The following B4GALT5 variants were observed in gnomAD, a reference collection of about 807,000 sequenced individuals.
The protein encoded by B4GALT5 is beta-1,4-galactosyltransferase 5, also known as UDP-Gal:beta-GlcNAc beta-1,4-galactosyltransferase 5.
Under a neutral mutation model 45.0 loss-of-function variants are expected in B4GALT5, and 11 were observed. The ratio of observed to expected loss-of-function variants is 0.24; its 90% CI spans 0.15 to 0.40. B4GALT5 has a LOEUF of 0.40. B4GALT5 is among the 10% of genes least tolerant of loss of function. The pLI, the probability that B4GALT5 is intolerant of heterozygous loss-of-function variation, is 1.00. For missense variants in B4GALT5, 337 were observed against 500.2 expected, an observed-to-expected ratio of 0.67 and a Z score of 3.11; for synonymous variants, 185 against 182.9, an observed-to-expected ratio of 1.01 and a Z score of -0.09.
chr20:49,712,426 T>C lies in B4GALT5; in HGVS notation c.115+1150A>G, dbSNP rs1312182004. 3.7e-5 allele frequency among the ~76,000 whole-genome samples: 5 copies of C among 133,570 alleles called. No homozygotes were observed. In the Admixed American group the frequency reaches 4.0e-4, roughly 11 times the overall value. The allele number at this position is 133,570 out of a possible 152,430, so 87.6% of individuals were successfully genotyped here. A position where few individuals can be genotyped will look rare whatever the true frequency, so the allele number is the denominator to read the frequency against. On this transcript the variant is annotated intron_variant, in intron 1 of 8. Coordinates refer to ENST00000371711, the MANE Select transcript of B4GALT5 (RefSeq NM_004776.4). ...TCTGATCTCTTCCTGTCCTAACTGG[T>C]GCCCTGTGGTCTTATAAAAGACTAT...
rs1303988840 is a variant in B4GALT5 at position 49,713,662 on chromosome 20, A to C, written c.29T>G (p.Leu10Arg). The C allele has an allele frequency of 6.5e-7, 1 of 1,547,758 alleles. No individual in the cohort carries two copies. The highest frequency in any genetic ancestry group is 1.2e-5 in the South Asian group (1 of 84,828). Residue 10 changes from leucine (L) to arginine (R), a missense_variant, in exon 1 of 9, where the codon CTG becomes CGG. Leu to Arg is a moderately radical substitution (Grantham distance 102). Transcript: ENST00000371711. MRARRGLLR[L>R]PRRSLLAALF... ...CGCGGCGAGCAGCGAGCGGCGCGGC[A>C]GCCGCAGCAGCCCCCGGCGGGCGCG...
At chr20:49,677,757 G>T (rs1568727331) in intron 1 of B4GALT5, among the ~76,000 whole-genome samples, 1 of 152,130 alleles carries the variant, frequency 6.6e-6, no homozygotes, top group Non-Finnish European at 1.5e-5. Flanking sequence ...TTGATTGATT[G>T]ATTTTTGGGA....
intron 1 of B4GALT5, among the ~76,000 whole-genome samples, chr20:49,690,549 C>CAA (rs1254506773): frequency 2.7e-5 from 3 of 111,940 alleles, no homozygotes; most frequent in Non-Finnish European, 5.6e-5. Context: ...AACTCTAACT[C>CAA]AAAAAAAAAA....
intron 8 of B4GALT5, among the ~76,000 whole-genome samples, chr20:49,637,120 G>C (rs892229909): frequency 2.6e-5 from 4 of 152,114 alleles, no homozygotes; most frequent in African/African-American, 9.7e-5. Context: ...CATAGGACAA[G>C]TGATTTCCTT....
intron 1 of B4GALT5, among the ~76,000 whole-genome samples, chr20:49,683,305 T>C (rs1452983679): frequency 6.6e-6 from 1 of 152,100 alleles, no homozygotes; most frequent in African/African-American, 2.4e-5. Context: ...TTTCCTTTTA[T>C]CTTTAAGCTG....
At chr20:49,668,601 TG>T (rs1186366499) in intron 1 of B4GALT5, among the ~76,000 whole-genome samples, 436 of 53,106 alleles carry the variant, frequency 8.2e-3, no homozygotes, top group African/African-American at 0.029. Context: ...TGGGTGGGGG[TG>T]GGGGGGGCGT....
At chr20:49,688,304 G>A (rs2146352990) in intron 1 of B4GALT5, among the ~76,000 whole-genome samples, 1 of 152,266 alleles carries the variant, frequency 6.6e-6, no homozygotes, top group South Asian at 2.1e-4. Context: ...CCAATCCCAT[G>A]TACTAAGAAG....
chr20:49,684,474 AAT>A, intron 1 of B4GALT5: 3 of 481,612 alleles, frequency 6.2e-6, no homozygotes, highest in South Asian at 4.6e-5. Context: ...GAGACAGCAG[AAT>A]GGTGTGAACC....
At position 49,713,741 on chromosome 20, in the gene B4GALT5, T is replaced by A. The variant is rs1277259952; in HGVS notation, c.-51A>T. ...GCCAGGCCGGGCCTGCTCCCGCAGC[T>A]CCCCGTCCGCCGCCTCCTGGGCCGC... On this transcript the variant is annotated 5_prime_UTR_variant, in exon 1 of 9. Transcript: ENST00000371711. 2 of 690,942 alleles carry A rather than the reference T, an allele frequency of 2.9e-6. No homozygotes were observed. The highest frequency in any genetic ancestry group is 3.9e-6 in the Non-Finnish European group (2 of 506,542). 42.8% of individuals were successfully genotyped at this position (690,942 alleles called of 1,614,324 possible).
Position 49,636,388 on chromosome 20 carries a change from T to C in B4GALT5, c.1091A>G (p.Asn364Ser). Residue 364 changes from asparagine to serine, a missense_variant, in exon 9 of 9, where the codon AAC becomes AGC. Physicochemically the swap from Asn to Ser is conservative, Grantham distance 46 (BLOSUM62 1). Transcript: ENST00000371711. ...DGLNNLNYFANITYDALYKNI... is the reference protein window; with the variant it reads ...DGLNNLNYFASITYDALYKNI... ...TTTATACAAGGCGTCGTATGTGATG[T>C]TTGCAAAGTAGTTCAGGTTGTTGAG... The C allele has an allele frequency of 3.1e-6, 5 of 1,614,144 alleles. No homozygotes were observed. Among genetic ancestry groups the C allele is most frequent in the Non-Finnish European group, 4.2e-6 (5 of 1,180,008 alleles).
intron 1 of B4GALT5, among the ~76,000 whole-genome samples, chr20:49,712,832 C>A (rs1289372209): frequency 1.9e-4 from 1 of 5,382 alleles, no homozygotes; most frequent in Admixed American, 2.1e-3. Flanking sequence ...TGTGGGTACG[C>A]GAGGTGGGGG....
intron 7 of B4GALT5, among the ~76,000 whole-genome samples, chr20:49,639,060 C>T (rs975838069): frequency 2.0e-5 from 3 of 152,176 alleles, no homozygotes; most frequent in Non-Finnish European, 2.9e-5. Context: ...TAAAAACTGA[C>T]ACACAGAGAT....
chr20:49,680,454 G>A (rs1157542543), intron 1 of B4GALT5, among the ~76,000 whole-genome samples: 1 of 152,232 alleles, frequency 6.6e-6, no homozygotes. Flanking sequence ...GAAACATGCT[G>A]TAACATAGAT....
In B4GALT5 at chr20:49,635,971, C is replaced by A. The variant is rs2085551570; in HGVS notation, c.*341G>T. On this transcript the variant is annotated 3_prime_UTR_variant, in exon 9 of 9. Coordinates refer to ENST00000371711, the MANE Select transcript of B4GALT5 (RefSeq NM_004776.4). Reference sequence around the variant, plus strand: ...CTCCACGGCAGGACCACGGCAGGACCACGGCAGATCACAGTTCATCATGGG... The same window carrying A: ...CTCCACGGCAGGACCACGGCAGGACAACGGCAGATCACAGTTCATCATGGG... 7.8e-6 allele frequency: 2 copies of A among 256,362 alleles called. No individual in the cohort carries two copies. Among genetic ancestry groups the A allele is most frequent in the South Asian group, 4.5e-5 (1 of 22,018 alleles). 15.9% of individuals were successfully genotyped at this position (256,362 alleles called of 1,614,324 possible). A position where few individuals can be genotyped will look rare whatever the true frequency, so the allele number is the denominator to read the frequency against.
intron 2 of B4GALT5, among the ~76,000 whole-genome samples, chr20:49,649,493 T>C (rs2085612298): frequency 6.6e-6 from 1 of 151,896 alleles, no homozygotes. Flanking sequence ...GGCAGGAGGA[T>C]CACCTGAGCC....
intron 1 of B4GALT5, among the ~76,000 whole-genome samples, chr20:49,668,755 C>T (rs572874305): frequency 5.3e-4 from 80 of 152,198 alleles, no homozygotes; most frequent in African/African-American, 1.6e-3. Context: ...TGTCCGTCAC[C>T]GCCCCCACTC....
chr20:49,643,483 C>T (rs759023992), intron 4 of B4GALT5, 43 bp downstream of exon 4: 21 of 1,608,954 alleles, frequency 1.3e-5, no homozygotes, highest in African/African-American at 6.7e-5. Context: ...AGGCAAACCC[C>T]AGGTGGGCTT....
chr20:49,702,408 AG>A (rs1354856592), intron 1 of B4GALT5, among the ~76,000 whole-genome samples: 1 of 152,264 alleles, frequency 6.6e-6, no homozygotes, highest in Non-Finnish European at 1.5e-5. Context: ...GTATTTTAAA[AG>A]CATAAACAAA....
intron 1 of B4GALT5, among the ~76,000 whole-genome samples, chr20:49,673,359 G>A (rs2085723960): frequency 6.8e-6 from 1 of 146,768 alleles, no homozygotes; most frequent in Admixed American, 6.9e-5. Flanking sequence ...CAGCCTGGGT[G>A]ACAAAGAGAG....
Sources: gnomAD v4.1 joint callset for allele counts (sites outside exome capture counted in the v4.1 genomes callset) on GRCh38, gnomAD v4.1.1 for gene constraint, MANE v1.5 for transcripts, NCBI Gene and HGNC (gene_info 2026-07-23, HGNC 2026-07-21) for gene names.